The following CNTN3 variants were observed in gnomAD, a reference collection of about 807,000 sequenced individuals.
CNTN3 encodes contactin-3.
In CNTN3, 60 loss-of-function variants were observed where a neutral mutation model predicts 119.1. That is an observed-to-expected ratio of 0.50 (90% CI 0.41 to 0.62). CNTN3 has a LOEUF of 0.62. Ranked by LOEUF, CNTN3 falls within the 20% of genes least tolerant of loss-of-function variation. CNTN3 has a pLI of 0.00. For missense variants in CNTN3, 1,101 were observed against 1,242.4 expected, an observed-to-expected ratio of 0.89 and a Z score of 1.71; for synonymous variants, 450 against 438.7, an observed-to-expected ratio of 1.03 and a Z score of -0.32.
chr3:74,572,511 GA>G (rs1248494632), intron 1 of CNTN3, among the ~76,000 whole-genome samples: 6 of 151,726 alleles, frequency 4.0e-5, no homozygotes, highest in Non-Finnish European at 7.4e-5. Flanking sequence ...AATGTTAAAA[GA>G]AAAAAGGAAA....
intron 20 of CNTN3, among the ~76,000 whole-genome samples, chr3:74,270,698 G>A (rs2106749799): frequency 6.6e-6 from 1 of 152,206 alleles, no homozygotes; most frequent in Non-Finnish European, 1.5e-5. Context: ...TTTACTTTTT[G>A]TATTTGAACC....
intron 13 of CNTN3, among the ~76,000 whole-genome samples, chr3:74,303,545 T>G (rs1322316547): frequency 2.0e-5 from 3 of 151,802 alleles, no homozygotes; most frequent in Non-Finnish European, 4.4e-5. Flanking sequence ...ATACAAAAAT[T>G]AGCTGGGTGT....
At chr3:74,383,057 G>T (rs1188078045) in intron 5 of CNTN3, among the ~76,000 whole-genome samples, 1 of 152,138 alleles carries the variant, frequency 6.6e-6, no homozygotes, top group East Asian at 1.9e-4. Context: ...GTCTAATTCA[G>T]AGTCTCTTTC....
At chr3:74,491,948 A>G (rs1559630431) in intron 3 of CNTN3, among the ~76,000 whole-genome samples, 1 of 152,184 alleles carries the variant, frequency 6.6e-6, no homozygotes, top group Non-Finnish European at 1.5e-5. Context: ...ACAAAAGAAG[A>G]CAACCTCGTG....
intron 4 of CNTN3, among the ~76,000 whole-genome samples, chr3:74,459,176 A>G (rs2106968431): frequency 6.6e-6 from 1 of 151,918 alleles, no homozygotes; most frequent in African/African-American, 2.4e-5. Flanking sequence ...ATTTTCCTCT[A>G]TGGAGCTTTC....
chr3:74,292,362 A>G (rs1328252666), intron 19 of CNTN3, among the ~76,000 whole-genome samples: 1 of 152,114 alleles, frequency 6.6e-6, no homozygotes, highest in Non-Finnish European at 1.5e-5. Flanking sequence ...GTTGAGAGTT[A>G]GAGACTAGCC....
At chr3:74,312,577 C>T (rs1702717816) in intron 13 of CNTN3, among the ~76,000 whole-genome samples, 1 of 151,734 alleles carries the variant, frequency 6.6e-6, no homozygotes, top group African/African-American at 2.4e-5. Context: ...TTAAGCCATC[C>T]TGTTCCACGT....
intron 1 of CNTN3, among the ~76,000 whole-genome samples, chr3:74,551,662 T>G (rs376456285): frequency 2.0e-5 from 3 of 151,606 alleles, no homozygotes; most frequent in East Asian, 1.9e-4. Context: ...CAACTATTAA[T>G]CTTTTTACTG....
At chr3:74,454,544 T>A (rs1702229345) in intron 4 of CNTN3, among the ~76,000 whole-genome samples, 1 of 152,132 alleles carries the variant, frequency 6.6e-6, no homozygotes, top group Non-Finnish European at 1.5e-5. Context: ...GTGAATTTGA[T>A]CCTGTCATTA....
At chr3:74,550,414 C>A (rs1173710913) in intron 1 of CNTN3, among the ~76,000 whole-genome samples, 1 of 152,126 alleles carries the variant, frequency 6.6e-6, no homozygotes, top group Admixed American at 6.5e-5. Flanking sequence ...TTCTTAGTTT[C>A]AAAACTTAAG....
chr3:74,371,113 A>C, intron 6 of CNTN3, 83 bp downstream of exon 6: 1 of 937,738 alleles, frequency 1.1e-6, no homozygotes. Flanking sequence ...TTCTAGATGT[A>C]CTTTTTACAT....
intron 13 of CNTN3, among the ~76,000 whole-genome samples, chr3:74,325,732 T>C (rs1396195303): frequency 1.3e-5 from 2 of 152,094 alleles, no homozygotes; most frequent in Non-Finnish European, 2.9e-5. Flanking sequence ...ACATCTCAAT[T>C]TTGCAGATGA....
intron 4 of CNTN3, 83 bp downstream of exon 4, chr3:74,486,373 T>A: frequency 1.6e-6 from 2 of 1,250,932 alleles, no homozygotes; most frequent in Admixed American, 4.9e-5. Flanking sequence ...CCATGTATTA[T>A]TTCTGAAATC....
In CNTN3 at chr3:74,423,289, G is replaced by A. The variant is rs970890345; in HGVS notation, c.454+1556C>T. On this transcript the variant is annotated intron_variant, in intron 5 of 22. Coordinates refer to ENST00000263665, the MANE Select transcript of CNTN3 (RefSeq NM_020872.3). ...GAAGAGAAAGAAACTGAATTGTGAT[G>A]TGGTCCAACAAAAACATGGTCATCC... Among the ~76,000 whole-genome samples, 3 of 152,328 alleles carry A rather than the reference G, an allele frequency of 2.0e-5. No individual in the cohort carries two copies. The East Asian group carries it at 5.8e-4, about 29-fold the overall frequency.
chr3:74,393,053 TTATTGTG>T lies in CNTN3; in HGVS notation c.455-21661_455-21655del, dbSNP rs372699797. Among the ~76,000 whole-genome samples the T allele has an allele frequency of 4.5e-3, 679 of 152,310 alleles. 10 individuals carry two copies. The highest frequency in any genetic ancestry group is 0.016 in the African/African-American group (645 of 41,568). ...TTAAGATCTATCCACATTGTACCTTTTATTGTGGTTTCTAACTTGGGTACAACACTCC... is the reference window on the plus strand; with the variant it reads ...TTAAGATCTATCCACATTGTACCTTTGTTTCTAACTTGGGTACAACACTCC... On this transcript the variant is annotated intron_variant, in intron 5 of 22. Transcript: ENST00000263665.
chr3:74,468,629 G>A (rs1702506244), intron 4 of CNTN3, among the ~76,000 whole-genome samples: 1 of 152,076 alleles, frequency 6.6e-6, no homozygotes, highest in Admixed American at 6.6e-5. Context: ...AAACCATTTA[G>A]ATAAGACAAA....
rs1319531795 is a variant in CNTN3 at position 74,266,563 on chromosome 3, C to T, written c.2904G>A (p.Glu968=). The T allele has an allele frequency of 5.6e-6, 9 of 1,613,420 alleles. No individual in the cohort carries two copies. The highest frequency in any genetic ancestry group is 2.2e-5 in the South Asian group (2 of 91,056). Residue 968 remains glutamate, a synonymous_variant, in exon 22 of 23, where the codon GAG becomes GAA. Transcript: ENST00000263665. ...TSAELVLPIK[E]DYIIEVKATT... is the part of the protein sequence containing the mutation. Reference sequence around the variant, plus strand: ...TGGCCTTGACTTCAATAATGTAGTCCTCTTTAATGGGCAGCACAAGTTCAG... The same window carrying T: ...TGGCCTTGACTTCAATAATGTAGTCTTCTTTAATGGGCAGCACAAGTTCAG...
intron 1 of CNTN3, among the ~76,000 whole-genome samples, chr3:74,545,277 T>C (rs753512686): frequency 1.3e-5 from 2 of 152,236 alleles, no homozygotes; most frequent in Non-Finnish European, 2.9e-5. Flanking sequence ...CTCCAATCTC[T>C]GGTGGGATGC....
At chr3:74,428,880 G>T (rs180874279) in intron 4 of CNTN3, among the ~76,000 whole-genome samples, 1 of 152,088 alleles carries the variant, frequency 6.6e-6, no homozygotes, top group Non-Finnish European at 1.5e-5. Flanking sequence ...TCTATGCTTA[G>T]ATATTTTCAG....
Sources: gnomAD v4.1 joint callset for allele counts (sites outside exome capture counted in the v4.1 genomes callset) on GRCh38, gnomAD v4.1.1 for gene constraint, MANE v1.5 for transcripts, NCBI Gene and HGNC (gene_info 2026-07-23, HGNC 2026-07-21) for gene names.